The following FBXW10B variants were observed in gnomAD, a reference collection of about 807,000 sequenced individuals.
The protein encoded by FBXW10B is F-box and WD repeat domain containing protein 10B.
chr17:15,583,821 T>A, the FBXW10B span, among the ~76,000 whole-genome samples: 1 of 152,258 alleles, frequency 6.6e-6, no homozygotes, highest in African/African-American at 2.4e-5. Context: ...ACTGCTAAAA[T>A]GAGGTAATGC....
chr17:15,574,119 T>G, the FBXW10B span: 5 of 746,322 alleles, frequency 6.7e-6, no homozygotes, highest in East Asian at 7.4e-5. Context: ...CTGGCACTGG[T>G]GCAAGGCAGA....
the FBXW10B span, chr17:15,573,177 G>A: frequency 2.0e-5 from 3 of 152,214 alleles, no homozygotes; most frequent in South Asian, 2.1e-4. Context: ...TTATAAGGGA[G>A]AGGAGCAGAG....
At chr17:15,604,545 GT>G in the FBXW10B span, among the ~76,000 whole-genome samples, 7 of 151,972 alleles carry the variant, frequency 4.6e-5, no homozygotes, top group African/African-American at 2.4e-5. Context: ...TTGTTTTTGG[GT>G]TTTTTTGAGA....
the FBXW10B span, among the ~76,000 whole-genome samples, chr17:15,588,159 G>A: frequency 9.6e-4 from 146 of 152,262 alleles, no homozygotes; most frequent in African/African-American, 3.0e-3. Context: ...AACACTGTGC[G>A]ACCTCCCCTT....
the FBXW10B span, among the ~76,000 whole-genome samples, chr17:15,606,591 A>G: frequency 3.7e-5 from 5 of 135,416 alleles, no homozygotes; most frequent in African/African-American, 1.3e-4. Flanking sequence ...GTGTGTGTGT[A>G]TATACATATA....
At chr17:15,604,900 G>A in the FBXW10B span, among the ~76,000 whole-genome samples, 29,138 of 151,136 alleles carry the variant, frequency 0.19, 1,530 homozygotes, top group East Asian at 0.33. Flanking sequence ...AAAAAACCAC[G>A]TTCCCCTGAA....
chr17:15,595,748 C>T, the FBXW10B span, among the ~76,000 whole-genome samples: 29 of 152,212 alleles, frequency 1.9e-4, no homozygotes, highest in Non-Finnish European at 2.8e-4. Context: ...CTAGGGGTTC[C>T]GATCCAGCAA....
chr17:15,610,735 A>C, the FBXW10B span, among the ~76,000 whole-genome samples: 3 of 152,316 alleles, frequency 2.0e-5, no homozygotes, highest in Non-Finnish European at 2.9e-5. Flanking sequence ...AATACAGTCC[A>C]GTTCTGTCAA....
At chr17:15,568,884 C>G in the FBXW10B span, 4 of 1,231,624 alleles carry the variant, frequency 3.2e-6, no homozygotes, top group East Asian at 1.3e-4. Flanking sequence ...AATCTGTGCC[C>G]TCTCACCTCA....
At chr17:15,591,579 C>T in the FBXW10B span, among the ~76,000 whole-genome samples, 8 of 152,330 alleles carry the variant, frequency 5.3e-5, no homozygotes, top group African/African-American at 1.4e-4. Context: ...CGAGCCACTG[C>T]GCCTGGCCTC....
At chr17:15,617,532 G>A in the FBXW10B span, among the ~76,000 whole-genome samples, 1 of 152,190 alleles carries the variant, frequency 6.6e-6, no homozygotes, top group Non-Finnish European at 1.5e-5. Flanking sequence ...CCCAATGCTG[G>A]AAGTGAGGTT....
chr17:15,565,664 T>C, the FBXW10B span: 1 of 1,614,132 alleles, frequency 6.2e-7, no homozygotes, highest in African/African-American at 1.3e-5. Flanking sequence ...ACCACTCCAG[T>C]GGACTCCCTG....
the FBXW10B span, chr17:15,593,451 G>A: frequency 1.9e-6 from 3 of 1,614,106 alleles, no homozygotes; most frequent in Non-Finnish European, 2.5e-6. Context: ...ATCTGCACAG[G>A]CGCTGATGAC....
chr17:15,571,694 G>A, the FBXW10B span: 1 of 152,158 alleles, frequency 6.6e-6, no homozygotes, highest in Admixed American at 6.5e-5. Context: ...ACAAAGATCT[G>A]TACATGAATA....
At chr17:15,605,706 C>T in the FBXW10B span, among the ~76,000 whole-genome samples, 321 of 151,624 alleles carry the variant, frequency 2.1e-3, 1 homozygote, top group African/African-American at 7.5e-3. Flanking sequence ...AGAGAGAGAA[C>T]AGAGTATGTG....
the FBXW10B span, among the ~76,000 whole-genome samples, chr17:15,608,106 G>C: frequency 1.3e-5 from 2 of 151,452 alleles, no homozygotes; most frequent in Non-Finnish European, 2.9e-5. Flanking sequence ...AGCACACTCA[G>C]GGGATTTTAA....
the FBXW10B span, among the ~76,000 whole-genome samples, chr17:15,596,042 C>G: frequency 6.6e-6 from 1 of 151,582 alleles, no homozygotes; most frequent in Non-Finnish European, 1.5e-5. Flanking sequence ...CCATGCCCGG[C>G]TAATTTTTTG....
chr17:15,583,709 G>A, the FBXW10B span, among the ~76,000 whole-genome samples: 12,047 of 146,196 alleles, frequency 0.082, 1,295 homozygotes, highest in African/African-American at 0.25. Flanking sequence ...TGTGCCCCAC[G>A]TACAGTTGGG....
chr17:15,589,301 G>A, the FBXW10B span: 72 of 1,557,748 alleles, frequency 4.6e-5, no homozygotes, highest in Non-Finnish European at 5.8e-5. Context: ...TTCCCTTGTA[G>A]GGAATGTCTG....
Sources: gnomAD v4.1 joint callset for allele counts (sites outside exome capture counted in the v4.1 genomes callset) on GRCh38, gnomAD v4.1.1 for gene constraint, MANE v1.5 for transcripts, NCBI Gene and HGNC (gene_info 2026-07-23, HGNC 2026-07-21) for gene names.